PTCH1: variants seen among roughly 807,000 people sequenced by gnomAD.
The protein encoded by PTCH1 is protein patched homolog 1.
A neutral mutation model predicts 144.6 loss-of-function variants in PTCH1; 14 were observed. The observed-to-expected ratio is 0.10, with a 90% CI of 0.06 to 0.15. The LOEUF (loss-of-function observed/expected upper bound fraction) is 0.15. Among genes scored for constraint, PTCH1 ranks in the 10% least tolerant of loss-of-function variants. PTCH1 has a pLI of 1.00. For synonymous variants in PTCH1, 833 were observed against 793.6 expected (o/e 1.05, Z -0.83); for missense variants, 1,623 against 1,948.3 (o/e 0.83, Z 3.14).
In PTCH1 at chr9:95,502,018, G is replaced by C. The variant is rs564170683; in HGVS notation, c.394+4389C>G. ...GAGCTGACAGCCCCCAGCCAAGCAG[G>C]GAGACTTCTGTGAAATGGCCCTGAG... is the stretch of plus-strand genomic sequence containing the variant. On this transcript the variant is annotated intron_variant, in intron 2 of 23. Coordinates refer to ENST00000331920, the MANE Select transcript of PTCH1 (RefSeq NM_000264.5). 2.0e-4 allele frequency among the ~76,000 whole-genome samples: 31 copies of C among 152,250 alleles called. No individual in the cohort carries two copies. In the South Asian group the frequency reaches 3.3e-3, roughly 16 times the overall value.
chr9:95,490,766 C>G (rs1478176057), intron 2 of PTCH1, among the ~76,000 whole-genome samples: 1 of 152,074 alleles, frequency 6.6e-6, no homozygotes, highest in African/African-American at 2.4e-5. Flanking sequence ...TACCAACATA[C>G]AGTTAAGTAG....
Position 95,458,037 on chromosome 9 carries a change from C to G in PTCH1, c.3144G>C (p.Leu1048=). The G allele has an allele frequency of 6.2e-7, 1 of 1,614,130 alleles. No homozygotes were observed. The highest frequency in any genetic ancestry group is 2.2e-5 in the East Asian group (1 of 44,884). ...CTFLVCAVFL[L]NPWTAGIIVM... The stretch of plus-strand genomic sequence containing the variant: ...CAATGATCCCGGCCGTCCAGGGGTT[C>G]AGAAGGAAGACAGCGCACACGAGGA... Residue 1048 remains leucine, a synonymous_variant, in exon 18 of 24, where the codon CTG becomes CTC. Transcript: ENST00000331920. The surrounding 1 kb of genome is among the most constrained non-coding windows in gnomAD (Gnocchi z 4.7).
intron 1 of PTCH1, 138 bp from the exon 2 acceptor site, chr9:95,506,737 G>A (rs1843684310): frequency 9.3e-7 from 1 of 1,077,046 alleles, no homozygotes; most frequent in Non-Finnish European, 1.2e-6. Flanking sequence ...ACTCGCCCTC[G>A]AGACTGCAGC....
At position 95,458,026 on chromosome 9, in the gene PTCH1, G is replaced by A. The variant is rs138911275; in HGVS notation, c.3155C>T (p.Thr1052Met). 1.2e-3 allele frequency: 1,951 copies of A among 1,613,990 alleles called. 2 individuals are homozygous for A. The highest frequency in any genetic ancestry group is 1.5e-3 in the Non-Finnish European group (1,823 of 1,180,036). Residue 1052 changes from threonine to methionine, a missense_variant, in exon 18 of 24, where the codon ACG becomes ATG. Thr to Met is a moderately conservative substitution (Grantham distance 81, BLOSUM62 -1). Coordinates refer to ENST00000331920, the MANE Select transcript of PTCH1 (RefSeq NM_000264.5). This position sits in a 1 kb window ranked among gnomAD's most constrained non-coding sequence, Gnocchi z 4.7. Reference protein sequence around the residue: ...VCAVFLLNPWTAGIIVMVLAL... With the variant: ...VCAVFLLNPWMAGIIVMVLAL... Reference sequence around the variant, plus strand: ...TAATACACTCACAATGATCCCGGCCGTCCAGGGGTTCAGAAGGAAGACAGC... The same window carrying A: ...TAATACACTCACAATGATCCCGGCCATCCAGGGGTTCAGAAGGAAGACAGC...
chr9:95,456,319 G>A lies in PTCH1; in HGVS notation c.3263C>T (p.Ala1088Val), dbSNP rs1838920838. The A allele has an allele frequency of 1.2e-6, 2 of 1,614,048 alleles. No individual in the cohort carries two copies. Among genetic ancestry groups the A allele is most frequent in the South Asian group, 1.1e-5 (1 of 91,086 alleles). The change falls in exon 19 of 24, where the codon GCT (alanine) becomes GTT (valine). Residue 1088 changes from alanine to valine, a missense_variant. Ala to Val is a moderately conservative substitution (Grantham distance 64). Transcript: ENST00000331920. Reference protein sequence around the residue: ...LSAVPVVILIASVGIGVEFTV... With the variant: ...LSAVPVVILIVSVGIGVEFTV... ...GAACTCCACTCCTATGCCAACAGAA[G>A]CGATCAGGATGACCACGGGCACGGC... is the stretch of plus-strand genomic sequence containing the variant.
intron 15 of PTCH1, among the ~76,000 whole-genome samples, chr9:95,463,209 G>A (rs1839690035): frequency 6.6e-6 from 1 of 152,252 alleles, no homozygotes; most frequent in East Asian, 1.9e-4. Flanking sequence ...GAATGGTTAA[G>A]CTCTTGGGGT....
rs1838253261 is a variant in PTCH1 at position 95,449,394 on chromosome 9, C to T, written c.3550-71G>A. 6.5e-7 allele frequency: 1 copy of T among 1,533,512 alleles called. No individual in the cohort carries two copies. Among genetic ancestry groups the T allele is most frequent in the Admixed American group, 2.0e-5 (1 of 51,010 alleles). The allele number at this position is 1,533,512 out of a possible 1,614,324, so 95.0% of individuals were successfully genotyped here. On this transcript the variant is annotated intron_variant, in intron 21 of 23. Coordinates refer to ENST00000331920, the MANE Select transcript of PTCH1 (RefSeq NM_000264.5). The surrounding 1 kb of genome is among the most constrained non-coding windows in gnomAD (Gnocchi z 5.3). The stretch of plus-strand genomic sequence containing the variant: ...TGCTGGCCACACTCAAAGCTCAAAG[C>T]ACGGTATTTTTCAGGGGCCTCTGTT...
At chr9:95,472,081 C>G (rs1840635844) in intron 12 of PTCH1, among the ~76,000 whole-genome samples, 1 of 149,844 alleles carries the variant, frequency 6.7e-6, no homozygotes, top group Non-Finnish European at 1.5e-5. Context: ...AGGGGAATGG[C>G]AGGTGCTCCC....
At position 95,449,108 on chromosome 9, in the gene PTCH1, G is replaced by T. The variant is rs758229027; in HGVS notation, c.3765C>A (p.Ile1255=). 1.9e-6 allele frequency: 3 copies of T among 1,614,212 alleles called. No homozygotes were observed. Among genetic ancestry groups the T allele is most frequent in the African/African-American group, 1.3e-5 (1 of 75,068 alleles). The change falls in exon 22 of 24, where the codon ATC becomes ATA. Residue 1255 remains isoleucine (I), a synonymous_variant. Transcript: ENST00000331920. This position sits in a 1 kb window ranked among gnomAD's most constrained non-coding sequence, Gnocchi z 5.3. ...AGACGGGGTTTTCTGTGGCTTCCAC[G>T]ATCACTTGGTGGGCAGGGCCTCCCG... ...QGAGGPAHQV[I]VEATENPVFA...
At position 95,506,584 on chromosome 9, in the gene PTCH1, G is replaced by T. The variant is rs751511116; in HGVS notation, c.217C>A (p.Arg73=). The change falls in exon 2 of 24, where the codon CGG becomes AGG. Residue 73 remains arginine (R), a synonymous_variant. Transcript: ENST00000331920. ...GCTCTCAGCCACAGCGGCGCTTTCC[G>T]GCCAGTAGCCTTCCCCTGGGGACGA... The part of the protein sequence containing the change: ...EQISKGKATG[R]KAPLWLRAKF... The T allele has an allele frequency of 3.1e-6, 5 of 1,612,060 alleles. No individual in the cohort carries two copies. The highest frequency in any genetic ancestry group is 4.2e-6 in the Non-Finnish European group (5 of 1,179,150).
chr9:95,480,358 C>T (rs751591800), intron 6 of PTCH1, 32 bp downstream of exon 6: 4 of 1,607,300 alleles, frequency 2.5e-6, no homozygotes, highest in South Asian at 2.2e-5. Flanking sequence ...TTGCTCTCCA[C>T]CCTTCTGAGA....
At chr9:95,451,222 G>A (rs1022002718) in intron 20 of PTCH1, 6 of 152,198 alleles carry the variant, frequency 3.9e-5, no homozygotes, top group African/African-American at 1.2e-4. Flanking sequence ...GTAAACTGCT[G>A]GAACTTTCGG....
At position 95,476,945 on chromosome 9, in the gene PTCH1, C is replaced by T. The variant is rs937445863; in HGVS notation, c.1504-88G>A. 2.5e-6 allele frequency: 3 copies of T among 1,203,636 alleles called. No individual in the cohort carries two copies. The highest frequency in any genetic ancestry group is 1.9e-4 in the Middle Eastern group (1 of 5,324). The allele number at this position is 1,203,636 out of a possible 1,614,324, so 74.6% of individuals were successfully genotyped here. On this transcript the variant is annotated intron_variant, in intron 10 of 23. Transcript: ENST00000331920. This position sits in a 1 kb window ranked among gnomAD's most constrained non-coding sequence, Gnocchi z 4.6. ...GCTAGTTAGGACTCTGCCACCAGCA[C>T]CTAACAGCTCCTGAAGCAGGGCTTC...
intron 1 of PTCH1, among the ~76,000 whole-genome samples, chr9:95,515,351 TC>T (rs1844316206): frequency 1.3e-5 from 2 of 152,096 alleles, no homozygotes; most frequent in Non-Finnish European, 2.9e-5. Flanking sequence ...GTATTTCTCC[TC>T]CCCAGGGAGG....
chr9:95,502,989 G>A (rs950983559), intron 2 of PTCH1, among the ~76,000 whole-genome samples: 2 of 152,118 alleles, frequency 1.3e-5, no homozygotes, highest in East Asian at 1.9e-4. Flanking sequence ...ACACACACAC[G>A]CTCCTGTGAT....
chr9:95,480,065 T>C lies in PTCH1; in HGVS notation c.971A>G (p.Asn324Ser), dbSNP rs1841410200. The change falls in exon 7 of 24, where the codon AAT (asparagine) becomes AGT (serine). Residue 324 changes from asparagine (N) to serine (S), a missense_variant. By Grantham distance (46) the Asn-to-Ser change is conservative (BLOSUM62 1). Around this residue, in one of 7 missense-constraint regions of PTCH1, gnomAD observed 230 missense variants for 271.0 expected, o/e 0.85. Transcript: ENST00000331920. ...TCTGGATAAGCCATGACATCCACCA[T>C]TCAAAACAAGGGCCATATCAAGAGG... ...TKPLDMALVL[N>S]GGCHGLSRKY... is the part of the protein sequence containing the mutation. The C allele has an allele frequency of 6.2e-7, 1 of 1,613,864 alleles. No individual in the cohort carries two copies. Among genetic ancestry groups the C allele is most frequent in the Admixed American group, 1.7e-5 (1 of 59,966 alleles).
chr9:95,508,606 C>G lies in PTCH1; in HGVS notation c.-245G>C. 3.0e-6 allele frequency: 3 copies of G among 994,696 alleles called. No individual in the cohort carries two copies. Among genetic ancestry groups the G allele is most frequent in the Non-Finnish European group, 3.6e-6 (3 of 836,576 alleles). The allele number at this position is 994,696 out of a possible 1,614,324, so 61.6% of individuals were successfully genotyped here. A position where few individuals can be genotyped will look rare whatever the true frequency, so the allele number is the denominator to read the frequency against. On this transcript the variant is annotated 5_prime_UTR_variant, in exon 1 of 24. Coordinates refer to ENST00000331920, the MANE Select transcript of PTCH1 (RefSeq NM_000264.5). ...GAGTCAGACCCTGCGCCTTCCATTG[C>G]CACATTGCGCGGGGGTCCCGAGGTC... is the stretch of plus-strand genomic sequence containing the variant.
chr9:95,449,510 A>T lies in PTCH1; in HGVS notation c.3550-187T>A, dbSNP rs771754051. On this transcript the variant is annotated intron_variant, in intron 21 of 23. Coordinates refer to ENST00000331920, the MANE Select transcript of PTCH1 (RefSeq NM_000264.5). This position sits in a 1 kb window ranked among gnomAD's most constrained non-coding sequence, Gnocchi z 5.3. ...TCAGGTCCCGCAGCTGGAGCAGAAG[A>T]ACTGTCCTCTGCTCCACACTGGAAA... 6.7e-5 allele frequency: 53 copies of T among 789,766 alleles called. No individual in the cohort carries two copies. Among genetic ancestry groups the T allele is most frequent in the African/African-American group, 8.6e-5 (5 of 58,204 alleles). The allele number at this position is 789,766 out of a possible 1,614,324, so 48.9% of individuals were successfully genotyped here. A position where few individuals can be genotyped will look rare whatever the true frequency, so the allele number is the denominator to read the frequency against.
intron 16 of PTCH1, among the ~76,000 whole-genome samples, chr9:95,460,581 A>G (rs1839371165): frequency 6.6e-6 from 1 of 152,148 alleles, no homozygotes. Context: ...CGGCTCCTAG[A>G]GAAGGAGTGA....
Sources: allele counts gnomAD v4.1 joint callset (sites outside exome capture counted in the v4.1 genomes callset), GRCh38; gene constraint gnomAD v4.1.1; regional missense constraint gnomAD v4.1.1; non-coding constraint Gnocchi (gnomAD v3.1); transcripts MANE v1.5; gene names NCBI Gene and HGNC (gene_info 2026-07-23, HGNC 2026-07-21).